PRDM1: variants seen among roughly 807,000 people sequenced by gnomAD.
PRDM1 encodes PR domain zinc finger protein 1.
PRDM1 carries 13 observed loss-of-function variants against 62.8 expected under a neutral mutation model. The observed-to-expected ratio is 0.21, with a 90% confidence interval of 0.13 to 0.33. PRDM1 has a LOEUF of 0.33. Ranked by LOEUF, PRDM1 falls within the 10% of genes least tolerant of loss-of-function variation. The pLI, the probability that PRDM1 is intolerant of heterozygous loss-of-function variation, is 1.00. For synonymous variants in PRDM1, 396 were observed against 417.6 expected (o/e 0.95, Z 0.63); for missense variants, 895 against 1,058.8 (o/e 0.85, Z 2.15).
In PRDM1 at chr6:106,107,550, G is replaced by A; in HGVS notation, c.*64G>A. 4 of 1,412,910 alleles carry A rather than the reference G, an allele frequency of 2.8e-6. No individual in the cohort carries two copies. The highest frequency in any genetic ancestry group is 3.8e-6 in the Non-Finnish European group (4 of 1,042,680). 87.5% of individuals were successfully genotyped at this position (1,412,910 alleles called of 1,614,324 possible). Reference sequence around the variant, plus strand: ...ACTTGGTGAGTCAGGGTGCCTGTAGGAAGTGGCTTGTACATAATCCCAGCT... The same window carrying A: ...ACTTGGTGAGTCAGGGTGCCTGTAGAAAGTGGCTTGTACATAATCCCAGCT... On this transcript the variant is annotated 3_prime_UTR_variant, in exon 7 of 7. Transcript: ENST00000369096.
intron 2 of PRDM1, among the ~76,000 whole-genome samples, chr6:106,093,469 A>G (rs1040617522): frequency 6.6e-6 from 1 of 152,252 alleles, no homozygotes; most frequent in Non-Finnish European, 1.5e-5. Flanking sequence ...GAAAATATCA[A>G]CTGCTAATTA....
chr6:106,003,415 C>CA (rs963430778), intron 1 of PRDM1, among the ~76,000 whole-genome samples: 9 of 152,068 alleles, frequency 5.9e-5, no homozygotes, highest in African/African-American at 2.2e-4. Flanking sequence ...TCACAGACTG[C>CA]AGGTTTATTG....
intron 1 of PRDM1, among the ~76,000 whole-genome samples, chr6:106,076,263 G>A (rs1490607391): frequency 6.6e-6 from 1 of 152,140 alleles, no homozygotes; most frequent in Non-Finnish European, 1.5e-5. Flanking sequence ...ACTGCACCCA[G>A]CCTGGTAAAA....
intron 1 of PRDM1, among the ~76,000 whole-genome samples, chr6:106,081,219 ACTT>A (rs1214037038): frequency 3.9e-5 from 6 of 152,062 alleles, no homozygotes; most frequent in African/African-American, 4.8e-5. Context: ...GGCGGGTTGA[ACTT>A]CTTCTGGTGT....
Position 106,108,708 on chromosome 6 carries a change from AT to A in PRDM1, c.*1228del, listed in dbSNP as rs1386374740. The A allele has an allele frequency of 4.3e-6, 1 of 232,560 alleles. No homozygotes were observed. The highest frequency in any genetic ancestry group is 8.5e-6 in the Non-Finnish European group (1 of 117,766). 14.4% of individuals were successfully genotyped at this position (232,560 alleles called of 1,614,324 possible). A position where few individuals can be genotyped will look rare whatever the true frequency, so the allele number is the denominator to read the frequency against. On this transcript the variant is annotated 3_prime_UTR_variant, in exon 7 of 7. Coordinates refer to ENST00000369096, the MANE Select transcript of PRDM1 (RefSeq NM_001198.4). Reference sequence around the variant, plus strand: ...TTCCTATCCCCAACACATCAATTGTATTTTTTCTGTAAAACTCAGATTTTCC... The same window carrying A: ...TTCCTATCCCCAACACATCAATTGTATTTTTCTGTAAAACTCAGATTTTCC...
intron 2 of PRDM1, 57 bp downstream of exon 2, chr6:106,088,506 T>A: frequency 6.2e-7 from 1 of 1,606,898 alleles, no homozygotes; most frequent in Non-Finnish European, 8.5e-7. Flanking sequence ...ATCTCCCTAC[T>A]TGCCCTTGAG....
At chr6:106,099,087 T>C (rs367762470) in intron 3 of PRDM1, 18 of 1,614,048 alleles carry the variant, frequency 1.1e-5, no homozygotes, top group East Asian at 8.9e-5. Context: ...AAAACTGAAA[T>C]GGAAAAGGTA....
upstream of PRDM1, among the ~76,000 whole-genome samples, chr6:106,047,486 A>G (rs62420729): frequency 0.07 from 10,679 of 152,260 alleles, 440 homozygotes; most frequent in African/African-American, 0.11. Context: ...GCTTCTTTTC[A>G]TTGTGTATGG....
chr6:106,106,878 C>T lies in PRDM1; in HGVS notation c.1903-33C>T, dbSNP rs1259487503. The T allele has an allele frequency of 6.4e-7, 1 of 1,571,370 alleles. No homozygotes were observed. The highest frequency in any genetic ancestry group is 8.7e-7 in the Non-Finnish European group (1 of 1,151,672). On this transcript the variant is annotated intron_variant, in intron 6 of 6. Transcript: ENST00000369096. The surrounding 1 kb of genome is among the most constrained non-coding windows in gnomAD (Gnocchi z 4.4). ...CTTAATCTTCTGGCCTTCCTGTCTC[C>T]CTTCCCTGCTGTCTCTCTCCCCTAC... is the stretch of plus-strand genomic sequence containing the variant.
At chr6:106,022,371 C>T (rs1412578644) in intron 1 of PRDM1, among the ~76,000 whole-genome samples, 2 of 151,988 alleles carry the variant, frequency 1.3e-5, no homozygotes, top group African/African-American at 4.8e-5. Context: ...ATTCCCCTGC[C>T]TTAGCCTCTT....
chr6:106,028,396 C>G (rs936866502), intron 1 of PRDM1, among the ~76,000 whole-genome samples: 1 of 152,060 alleles, frequency 6.6e-6, no homozygotes, highest in African/African-American at 2.4e-5. Context: ...CATGGCCTCT[C>G]TGAAAAAATA....
intron 4 of PRDM1, among the ~76,000 whole-genome samples, chr6:106,104,221 T>C (rs201457514): frequency 2.8e-5 from 4 of 143,902 alleles, no homozygotes; most frequent in East Asian, 2.1e-4. Context: ...TTTTTTTTTT[T>C]CTTTTTTGAG....
At chr6:106,055,489 A>C (rs980430716) in intron 1 of PRDM1, among the ~76,000 whole-genome samples, 9 of 152,218 alleles carry the variant, frequency 5.9e-5, no homozygotes, top group Non-Finnish European at 1.2e-4. Flanking sequence ...CTTTAAATGG[A>C]AAATGCTTGT....
chr6:106,070,312 A>T (rs532907669), intron 1 of PRDM1, among the ~76,000 whole-genome samples: 1 of 152,326 alleles, frequency 6.6e-6, no homozygotes, highest in African/African-American at 2.4e-5. Flanking sequence ...CAAGAATACA[A>T]ATGAAATTAT....
At chr6:105,996,064 T>G (rs1396729504) in intron 1 of PRDM1, among the ~76,000 whole-genome samples, 1 of 152,194 alleles carries the variant, frequency 6.6e-6, no homozygotes, top group African/African-American at 2.4e-5. Context: ...ACTTTAAAAA[T>G]ATTTCCTGAT....
intron 1 of PRDM1, among the ~76,000 whole-genome samples, chr6:105,995,722 GT>G (rs951290929): frequency 3.8e-4 from 56 of 147,344 alleles, no homozygotes; most frequent in African/African-American, 6.9e-4. Context: ...TTGAATGAAA[GT>G]TTTTTTTTTT....
At chr6:106,020,294 T>G (rs1295952548) in intron 1 of PRDM1, among the ~76,000 whole-genome samples, 2 of 152,026 alleles carry the variant, frequency 1.3e-5, no homozygotes, top group Non-Finnish European at 2.9e-5. Context: ...TATATGTGTA[T>G]TTTTACCTTT....
At chr6:106,094,906 AACACAC>A (rs3833460) in intron 2 of PRDM1, among the ~76,000 whole-genome samples, 2 of 88,764 alleles carry the variant, frequency 2.3e-5, no homozygotes, top group Non-Finnish European at 5.3e-5. Context: ...TTGTCTTTAA[AACACAC>A]ACACACACAC....
chr6:106,087,733 G>C (rs1267129283), intron 1 of PRDM1: 2 of 232,860 alleles, frequency 8.6e-6, no homozygotes, highest in Non-Finnish European at 1.7e-5. Context: ...TGCACCACAC[G>C]CGCTTTCCAT....
Sources: gnomAD v4.1 joint callset for allele counts (sites outside exome capture counted in the v4.1 genomes callset) on GRCh38, gnomAD v4.1.1 for gene constraint, Gnocchi (gnomAD v3.1) non-coding constraint, MANE v1.5 for transcripts, NCBI Gene and HGNC (gene_info 2026-07-23, HGNC 2026-07-21) for gene names.